ARNT2: variants seen among roughly 807,000 people sequenced by gnomAD.
ARNT2 encodes the protein ARNT protein 2.
Under a neutral mutation model 91.7 loss-of-function variants are expected in ARNT2, and 36 were observed. That is an observed-to-expected ratio of 0.39 (90% confidence interval 0.30 to 0.52). The LOEUF (loss-of-function observed/expected upper bound fraction) is 0.52, where lower values mean the gene tolerates loss of function less well. Among genes scored for constraint, ARNT2 ranks in the 20% least tolerant of loss-of-function variants. The probability of loss-of-function intolerance (pLI) is 0.72; values close to 1 mark genes in which losing one functional copy is unlikely to be tolerated. For synonymous variants in ARNT2, 365 were observed against 347.1 expected, an observed-to-expected ratio of 1.05 and a Z score of -0.57; for missense variants, 775 against 939.3, an observed-to-expected ratio of 0.83 and a Z score of 2.29.
At chr15:80,430,330 C>T (rs1205733446) in intron 1 of ARNT2, among the ~76,000 whole-genome samples, 1 of 152,168 alleles carries the variant, frequency 6.6e-6, no homozygotes, top group Non-Finnish European at 1.5e-5. Flanking sequence ...ACCCGGCTGG[C>T]CACTTTTCCT....
At chr15:80,532,963 G>T (rs1476994006) in intron 8 of ARNT2, among the ~76,000 whole-genome samples, 1 of 152,212 alleles carries the variant, frequency 6.6e-6, no homozygotes, top group African/African-American at 2.4e-5. Context: ...AGGAGAGAGT[G>T]GTGGGAGTGG....
chr15:80,446,353 A>AG (rs1896304122), intron 1 of ARNT2, among the ~76,000 whole-genome samples: 1 of 152,148 alleles, frequency 6.6e-6, no homozygotes, highest in African/African-American at 2.4e-5. Flanking sequence ...GATCTTATAG[A>AG]GGGGGAGACT....
At chr15:80,575,447 G>A (rs1898657422) in intron 14 of ARNT2, among the ~76,000 whole-genome samples, 1 of 152,182 alleles carries the variant, frequency 6.6e-6, no homozygotes. Flanking sequence ...GGGCACCCTC[G>A]ATGACCGAAG....
intron 1 of ARNT2, among the ~76,000 whole-genome samples, chr15:80,441,647 C>T (rs1261254666): frequency 1.3e-5 from 2 of 152,150 alleles, no homozygotes; most frequent in Non-Finnish European, 2.9e-5. Flanking sequence ...GTAGGGAGAG[C>T]AAGATGTCTT....
chr15:80,513,420 T>C (rs1025694934), intron 6 of ARNT2, among the ~76,000 whole-genome samples: 1 of 152,206 alleles, frequency 6.6e-6, no homozygotes, highest in Non-Finnish European at 1.5e-5. Context: ...TAGAACAGTG[T>C]ATGGGAGGAG....
intron 3 of ARNT2, among the ~76,000 whole-genome samples, chr15:80,461,775 C>T (rs1042888236): frequency 6.6e-6 from 1 of 152,020 alleles, no homozygotes; most frequent in Admixed American, 6.6e-5. Context: ...GGCCTTTCTG[C>T]CAAGGAGGCA....
chr15:80,425,403 TATC>T (rs1306789202), intron 1 of ARNT2, among the ~76,000 whole-genome samples: 13 of 152,156 alleles, frequency 8.5e-5, no homozygotes, highest in African/African-American at 2.9e-4. Context: ...ACAAAAGAAA[TATC>T]ATATACTAAA....
At chr15:80,429,930 A>T (rs937825145) in intron 1 of ARNT2, among the ~76,000 whole-genome samples, 1 of 151,988 alleles carries the variant, frequency 6.6e-6, no homozygotes, top group African/African-American at 2.4e-5. Flanking sequence ...CCCACCAGGT[A>T]CCTCTTTCTT....
chr15:80,493,779 A>C (rs1897087627), intron 5 of ARNT2, among the ~76,000 whole-genome samples: 1 of 152,122 alleles, frequency 6.6e-6, no homozygotes, highest in Non-Finnish European at 1.5e-5. Context: ...CTCATGTTGA[A>C]ATTTGATCCC....
intron 8 of ARNT2, among the ~76,000 whole-genome samples, chr15:80,537,085 G>A (rs1043585449): frequency 2.9e-4 from 44 of 152,012 alleles, no homozygotes; most frequent in Admixed American, 5.2e-4. Flanking sequence ...CACTCTTTTC[G>A]CAGGCTCTGC....
chr15:80,555,508 GC>G (rs1898165941), intron 11 of ARNT2: 1 of 191,022 alleles, frequency 5.2e-6, no homozygotes, highest in South Asian at 1.5e-4. Context: ...TGAAGGGGCA[GC>G]CCTAGAGATG....
At chr15:80,567,353 C>CCA (rs1898503869) in intron 12 of ARNT2, among the ~76,000 whole-genome samples, 3 of 146,888 alleles carry the variant, frequency 2.0e-5, no homozygotes, top group Admixed American at 2.0e-4. Flanking sequence ...AGCATCTGTT[C>CCA]AAGCCATAGC....
rs748986714 is a variant in ARNT2, at chr15:80,499,786, G to A, written c.623-8370G>A. Among the ~76,000 whole-genome samples, 10 of 152,212 alleles carry A rather than the reference G, an allele frequency of 6.6e-5. No individual in the cohort carries two copies. The East Asian group carries it at 1.7e-3, about 26-fold the overall frequency. ...TCAGTCCTCAACCAATCACTATGGCGAGGGAGATGGGATCTTGTAAGAAGA... is the reference window on the plus strand; with the variant it reads ...TCAGTCCTCAACCAATCACTATGGCAAGGGAGATGGGATCTTGTAAGAAGA... On this transcript the variant is annotated intron_variant, in intron 5 of 18. Coordinates refer to ENST00000303329, the MANE Select transcript of ARNT2 (RefSeq NM_014862.4).
At chr15:80,567,959 T>C (rs767004962) in intron 12 of ARNT2, among the ~76,000 whole-genome samples, 20 of 152,210 alleles carry the variant, frequency 1.3e-4, no homozygotes, top group Non-Finnish European at 2.5e-4. Flanking sequence ...TTAAATGCTC[T>C]GTGCTGAGGG....
At chr15:80,565,970 T>A (rs765160375) in intron 12 of ARNT2, among the ~76,000 whole-genome samples, 24 of 152,210 alleles carry the variant, frequency 1.6e-4, no homozygotes, top group Non-Finnish European at 3.4e-4. Flanking sequence ...AAGCCTCGGT[T>A]GCTTCATCTG....
At chr15:80,586,158 T>C (rs1898893416) in intron 17 of ARNT2, among the ~76,000 whole-genome samples, 1 of 152,102 alleles carries the variant, frequency 6.6e-6, no homozygotes, top group Non-Finnish European at 1.5e-5. Context: ...AGTGCACAGG[T>C]TGCTTAAAGA....
At chr15:80,427,135 T>C (rs939589649) in intron 1 of ARNT2, among the ~76,000 whole-genome samples, 2 of 152,120 alleles carry the variant, frequency 1.3e-5, no homozygotes, top group Non-Finnish European at 2.9e-5. Context: ...GATGATATCG[T>C]AGTGACCCGT....
chr15:80,474,429 G>C (rs57364630), intron 4 of ARNT2, among the ~76,000 whole-genome samples: 3,353 of 152,246 alleles, frequency 0.022, 106 homozygotes, highest in East Asian at 0.13. Context: ...CTGGAAATCT[G>C]ACAGAAATGC....
At chr15:80,543,861 C>T (rs1441977433) in intron 8 of ARNT2, among the ~76,000 whole-genome samples, 1 of 152,150 alleles carries the variant, frequency 6.6e-6, no homozygotes, top group Non-Finnish European at 1.5e-5. Flanking sequence ...CTGCCTCAGC[C>T]TCCTGAGTAG....
Sources: gnomAD v4.1 joint callset for allele counts (sites outside exome capture counted in the v4.1 genomes callset) on GRCh38, gnomAD v4.1.1 for gene constraint, MANE v1.5 for transcripts, NCBI Gene and HGNC (gene_info 2026-07-23, HGNC 2026-07-21) for gene names.